JCAD: variants seen among roughly 807,000 people sequenced by gnomAD.
JCAD encodes junctional cadherin 5-associated protein.
In JCAD, 40 loss-of-function variants were observed where a neutral mutation model predicts 98.0. The observed-to-expected ratio is 0.41, with a 90% CI of 0.32 to 0.53. The LOEUF (loss-of-function observed/expected upper bound fraction) is 0.53. Among genes scored for constraint, JCAD ranks in the 20% least tolerant of loss-of-function variants. The pLI is 0.31. For missense variants in JCAD, 1,705 were observed against 1,738.1 expected, an observed-to-expected ratio of 0.98 and a Z score of 0.34; for synonymous variants, 691 against 682.3, an observed-to-expected ratio of 1.01 and a Z score of -0.20.
chr10:30,063,712 A>C (rs1837739353), upstream of JCAD, among the ~76,000 whole-genome samples: 1 of 152,212 alleles, frequency 6.6e-6, no homozygotes, highest in African/African-American at 2.4e-5. Flanking sequence ...TAGTTAAATC[A>C]GGGTGTTTAG....
chr10:30,061,810 T>C (rs187591782), upstream of JCAD, among the ~76,000 whole-genome samples: 72 of 152,278 alleles, frequency 4.7e-4, no homozygotes, highest in African/African-American at 1.6e-3. Flanking sequence ...CATTCGATGA[T>C]GGATTTCTTC....
At chr10:30,038,631 A>G (rs1488226310) in intron 2 of JCAD, among the ~76,000 whole-genome samples, 3 of 146,314 alleles carry the variant, frequency 2.1e-5, no homozygotes, top group African/African-American at 7.5e-5. Flanking sequence ...GGCTGCAGTG[A>G]GCTGAGATGG....
At position 30,027,884 on chromosome 10, in the gene JCAD, G is replaced by A. The variant is rs200239922; in HGVS notation, c.2264C>T (p.Ser755Phe). 83 of 1,614,108 alleles carry A rather than the reference G, an allele frequency of 5.1e-5. No homozygotes were observed. Among genetic ancestry groups the A allele is most frequent in the Admixed American group, 8.3e-5 (5 of 60,010 alleles). ...PSARNLKGHR[S>F]LSPSSNSAFS... The stretch of plus-strand genomic sequence containing the variant: ...CGCACTGTTGCTGGATGGGCTGAGG[G>A]ACCTGTGACCTTTCAGGTTACGGGC... The change falls in exon 3 of 4, where the codon TCC (serine) becomes TTC (phenylalanine). Residue 755 changes from serine (S) to phenylalanine (F), a missense_variant. By Grantham distance (155) the Ser-to-Phe change is radical (BLOSUM62 -2). Coordinates refer to ENST00000375377, the MANE Select transcript of JCAD (RefSeq NM_020848.4).
chr10:30,031,965 G>T (rs1050310796), intron 2 of JCAD, among the ~76,000 whole-genome samples: 2 of 149,990 alleles, frequency 1.3e-5, no homozygotes, highest in African/African-American at 4.9e-5. Context: ...TGTTTTAGCC[G>T]GGATGGTCTC....
At chr10:30,047,964 C>A (rs1837389371) in intron 1 of JCAD, 93 bp from the exon 2 acceptor site, 1 of 693,918 alleles carries the variant, frequency 1.4e-6, no homozygotes, top group Non-Finnish European at 2.4e-6. Context: ...CCAAACCAGA[C>A]CATGGCGATG....
At chr10:30,021,015 G>A (rs1196072844) in intron 3 of JCAD, among the ~76,000 whole-genome samples, 1 of 152,190 alleles carries the variant, frequency 6.6e-6, no homozygotes, top group Non-Finnish European at 1.5e-5. Context: ...TATCTGTGCT[G>A]TGTTGTACCT....
At chr10:30,025,187 C>T (rs187117329) in intron 3 of JCAD, among the ~76,000 whole-genome samples, 7 of 151,978 alleles carry the variant, frequency 4.6e-5, no homozygotes, top group Admixed American at 6.6e-5. Context: ...TAACTCAACT[C>T]GTAAGGACCA....
chr10:30,092,980 G>A (rs989712159), intron 1 of JCAD, among the ~76,000 whole-genome samples: 6 of 152,034 alleles, frequency 3.9e-5, no homozygotes, highest in East Asian at 3.9e-4. Context: ...GTGAAAAGAC[G>A]GCAGAATGCT....
rs183363252 is a variant in JCAD at position 30,013,095 on chromosome 10, C to T, written c.*4788G>A. 2.6e-5 allele frequency: 4 copies of T among 152,184 alleles called. No homozygotes were observed. Among genetic ancestry groups the T allele is most frequent in the Non-Finnish European group, 5.9e-5 (4 of 68,080 alleles). 9.4% of individuals were successfully genotyped at this position (152,184 alleles called of 1,614,324 possible). A position where few individuals can be genotyped will look rare whatever the true frequency, so the allele number is the denominator to read the frequency against. Reference sequence around the variant, plus strand: ...ATTACCAATGGTGTCTTTCTGGGACCCTTTCTACCTGTCTTAGGTATTAAT... The same window carrying T: ...ATTACCAATGGTGTCTTTCTGGGACTCTTTCTACCTGTCTTAGGTATTAAT... On this transcript the variant is annotated 3_prime_UTR_variant, in exon 4 of 4. Transcript: ENST00000375377.
At position 30,028,931 on chromosome 10, in the gene JCAD, C is replaced by T. The variant is rs1347109016; in HGVS notation, c.1217G>A (p.Gly406Glu). The change falls in exon 3 of 4, where the codon GGG becomes GAG. Residue 406 changes from glycine (G) to glutamate (E), a missense_variant. Transcript: ENST00000375377. ...EYGVSPRLPQGLPAHPRPVTA... is the reference protein window; with the variant it reads ...EYGVSPRLPQELPAHPRPVTA... ...GACAGGTCGGGGATGTGCGGGGAGCCCCTGAGGCAAGCGGGGGCTCACACC... is the reference window on the plus strand; with the variant it reads ...GACAGGTCGGGGATGTGCGGGGAGCTCCTGAGGCAAGCGGGGGCTCACACC... 1.2e-6 allele frequency: 2 copies of T among 1,614,040 alleles called. No homozygotes were observed. The highest frequency in any genetic ancestry group is 2.2e-5 in the South Asian group (2 of 91,070).
At chr10:30,079,223 T>A (rs1001805091) in intron 1 of JCAD, among the ~76,000 whole-genome samples, 14 of 151,852 alleles carry the variant, frequency 9.2e-5, no homozygotes, top group Non-Finnish European at 1.8e-4. Flanking sequence ...GGCCGGCGCC[T>A]GTAGTCCCAG....
Position 30,104,516 on chromosome 10 carries a change from A to T in JCAD, n.128+10851T>A, listed in dbSNP as rs374469582. 8.3e-4 allele frequency among the ~76,000 whole-genome samples: 127 copies of T among 152,342 alleles called. 2 individuals are homozygous for T. The highest frequency in any genetic ancestry group is 2.9e-3 in the African/African-American group (119 of 41,574). ...GTTTTCACTTATAAGTGGGAGCTAA[A>T]CATTGAGTGCTCGTGGACATAAACA... On this transcript the variant is annotated intron_variant and non_coding_transcript_variant, in intron 1 of 2. Coordinates refer to the JCAD transcript ENST00000465712.
rs760659014 is a variant in JCAD at position 30,084,407 on chromosome 10, G to A, written n.129-14586C>T. On this transcript the variant is annotated intron_variant and non_coding_transcript_variant, in intron 1 of 2. Transcript: ENST00000465712. ...AGGTATTTGGTCAAACCTTCTGTGC[G>A]TTTCTGTGAGGCTGTTTTTTGAATG... is the stretch of plus-strand genomic sequence containing the variant. Among the ~76,000 whole-genome samples, 4 of 152,198 alleles carry A rather than the reference G, an allele frequency of 2.6e-5. 1 individual carries two copies. The highest frequency in any genetic ancestry group is 3.8e-4 in the East Asian group (2 of 5,200).
rs564514984 is a variant in JCAD, at chr10:30,114,817, T to G, written n.128+550A>C. ...AATAGAACTGTATTTCACAAAAATT[T>G]TAAAGCCGAATAGATAGATAGATAG... On this transcript the variant is annotated intron_variant and non_coding_transcript_variant, in intron 1 of 2. Transcript: ENST00000465712. Among the ~76,000 whole-genome samples, 27 of 126,210 alleles carry G rather than the reference T, an allele frequency of 2.1e-4. 3 individuals are homozygous for G. The South Asian group carries it at 6.8e-3, about 32-fold the overall frequency. The allele number at this position is 126,210 out of a possible 152,430, so 82.8% of individuals were successfully genotyped here. A position where few individuals can be genotyped will look rare whatever the true frequency, so the allele number is the denominator to read the frequency against.
rs1260340585 is a variant in JCAD, at chr10:30,029,480, G to T, written c.668C>A (p.Ser223Tyr). 7 of 1,614,078 alleles carry T rather than the reference G, an allele frequency of 4.3e-6. No individual in the cohort carries two copies. Among genetic ancestry groups the T allele is most frequent in the African/African-American group, 4.0e-5 (3 of 74,936 alleles). The change falls in exon 3 of 4, where the codon TCT (serine) becomes TAT (tyrosine). Residue 223 changes from serine to tyrosine, a missense_variant. Coordinates refer to ENST00000375377, the MANE Select transcript of JCAD (RefSeq NM_020848.4). ...PFIQGEHVLNSQNKGKSRSLP... is the reference protein window; with the variant it reads ...PFIQGEHVLNYQNKGKSRSLP... Reference sequence around the variant, plus strand: ...TGAGCGAGACTTCCCTTTGTTTTGAGAATTCAACACATGTTCTCCTTGAAT... The same window carrying T: ...TGAGCGAGACTTCCCTTTGTTTTGATAATTCAACACATGTTCTCCTTGAAT...
chr10:30,093,864 C>T (rs545292256), intron 1 of JCAD, among the ~76,000 whole-genome samples: 44 of 152,300 alleles, frequency 2.9e-4, no homozygotes, highest in South Asian at 6.2e-4. Context: ...CCAAATTAAA[C>T]GCCAAACTTC....
rs540436660 is a variant in JCAD at position 30,095,352 on chromosome 10, A to G, written n.128+20015T>C. Among the ~76,000 whole-genome samples the G allele has an allele frequency of 3.3e-5, 5 of 152,364 alleles. No individual in the cohort carries two copies. The South Asian group carries it at 1.0e-3, about 32-fold the overall frequency. On this transcript the variant is annotated intron_variant and non_coding_transcript_variant, in intron 1 of 2. Coordinates refer to the JCAD transcript ENST00000465712. ...GATTCTACCCCTGGGGGAATGAGTC[A>G]TGGCTTTTTAACCTATTGTTCTAAA... is the stretch of plus-strand genomic sequence containing the variant.
intron 1 of JCAD, among the ~76,000 whole-genome samples, chr10:30,106,507 G>A (rs141881149): frequency 6.6e-6 from 1 of 152,110 alleles, no homozygotes; most frequent in Non-Finnish European, 1.5e-5. Flanking sequence ...TAGCACAGAA[G>A]ATTAGTTTGG....
At chr10:30,091,714 AT>A (rs11307523) in intron 1 of JCAD, among the ~76,000 whole-genome samples, 31,084 of 81,194 alleles carry the variant, frequency 0.38, 4,939 homozygotes, top group Admixed American at 0.44. Context: ...AAGTTTTTAA[AT>A]TTTTTTTTTT....
Sources: allele counts gnomAD v4.1 joint callset (sites outside exome capture counted in the v4.1 genomes callset), GRCh38; gene constraint gnomAD v4.1.1; transcripts MANE v1.5; gene names NCBI Gene and HGNC (gene_info 2026-07-23, HGNC 2026-07-21).